Variants in CEACAM18 observed in about 807,000 individuals in gnomAD.
CEACAM18 encodes the protein cell adhesion molecule CEACAM18.
CEACAM18 carries 33 observed loss-of-function variants against 34.3 expected under a neutral mutation model. The observed-to-expected ratio is 0.96, with a 90% CI of 0.73 to 1.29. CEACAM18 has a LOEUF of 1.29. Among genes scored for constraint, CEACAM18 ranks in the 50% most tolerant of loss-of-function variants. The pLI is 0.00. For missense variants in CEACAM18, 474 were observed against 485.0 expected, an observed-to-expected ratio of 0.98 and a Z score of 0.21; for synonymous variants, 169 against 180.9, an observed-to-expected ratio of 0.93 and a Z score of 0.53.
At chr19:51,486,214 C>T (rs77616982) in intron 5 of CEACAM18, among the ~76,000 whole-genome samples, 11,465 of 151,838 alleles carry the variant, frequency 0.076, 506 homozygotes, top group African/African-American at 0.12. Flanking sequence ...GTGATGATGA[C>T]AATGGTGATG....
chr19:51,484,988 G>A, exon 5 of CEACAM18: 1 of 1,536,104 alleles, frequency 6.5e-7, no homozygotes, highest in South Asian at 1.2e-5. Flanking sequence ...TTCCTTCAGG[G>A]ATCTTACCTG....
chr19:51,479,178 C>T (rs1989864781), intron 1 of CEACAM18, among the ~76,000 whole-genome samples: 1 of 152,068 alleles, frequency 6.6e-6, no homozygotes, highest in Non-Finnish European at 1.5e-5. Flanking sequence ...GCACAACTGT[C>T]CTGCTTTACC....
chr19:51,489,460 A>G lies in CEACAM18; in HGVS notation c.1090-1127A>G, dbSNP rs531088252. Among the ~76,000 whole-genome samples the G allele has an allele frequency of 2.6e-5, 4 of 152,150 alleles. No individual in the cohort carries two copies. The East Asian group carries it at 7.8e-4, about 30-fold the overall frequency. On this transcript the variant is annotated intron_variant, in intron 5 of 5. Transcript: ENST00000396477. ...CTGGATACCACCCAAAAGGCACAGGAGTGGCATTTCCTAGAATAAATGGTG... is the reference window on the plus strand; with the variant it reads ...CTGGATACCACCCAAAAGGCACAGGGGTGGCATTTCCTAGAATAAATGGTG...
At chr19:51,487,738 ACACCATGG>A (rs1406622875) in intron 5 of CEACAM18, among the ~76,000 whole-genome samples, 1 of 151,744 alleles carries the variant, frequency 6.6e-6, no homozygotes, top group Non-Finnish European at 1.5e-5. Context: ...AGTCGAGATC[ACACCATGG>A]CACTCCAGCC....
exon 3 of CEACAM18, chr19:51,481,517 C>A (rs752528622): frequency 1.9e-6 from 3 of 1,613,880 alleles, no homozygotes; most frequent in Non-Finnish European, 2.5e-6. Context: ...ATGTGCCTAC[C>A]TCTAGTAGTG....
intron 5 of CEACAM18, among the ~76,000 whole-genome samples, chr19:51,486,535 T>A (rs1408249371): frequency 6.6e-6 from 1 of 151,066 alleles, no homozygotes; most frequent in African/African-American, 2.4e-5. Context: ...TGGAACTACT[T>A]GAGCCCCCTG....
intron 1 of CEACAM18, among the ~76,000 whole-genome samples, chr19:51,479,507 C>T (rs971502260): frequency 3.3e-5 from 5 of 152,200 alleles, no homozygotes; most frequent in African/African-American, 1.2e-4. Flanking sequence ...CAGTCCTGCC[C>T]TCCTGGAGCC....
intron 3 of CEACAM18, among the ~76,000 whole-genome samples, chr19:51,482,199 C>A (rs556427804): frequency 1.5e-3 from 223 of 152,054 alleles, no homozygotes; most frequent in African/African-American, 4.9e-3. Context: ...AGCTGCCTAC[C>A]GGGGCAAGTT....
At chr19:51,482,258 G>C (rs139822284) in intron 3 of CEACAM18, among the ~76,000 whole-genome samples, 2 of 151,994 alleles carry the variant, frequency 1.3e-5, no homozygotes, top group African/African-American at 4.8e-5. Context: ...CTTGGAAATC[G>C]AATACGCTGA....
chr19:51,478,719 A>G, intron 1 of CEACAM18, 25 bp downstream of exon 1: 2 of 1,411,270 alleles, frequency 1.4e-6, no homozygotes, highest in Admixed American at 2.7e-5. Flanking sequence ...ATGCTGGATG[A>G]GCTTCCCAGG....
At chr19:51,490,544 T>C (rs1990073609) in intron 5 of CEACAM18, 43 bp from the exon 6 acceptor site, 1 of 1,231,770 alleles carries the variant, frequency 8.1e-7, no homozygotes, top group Non-Finnish European at 1.0e-6. Flanking sequence ...CCATGTTTCT[T>C]AGGGACCTGA....
chr19:51,478,776 G>A (rs1276056856), intron 1 of CEACAM18, 82 bp downstream of exon 1: 8 of 1,022,476 alleles, frequency 7.8e-6, no homozygotes, highest in Non-Finnish European at 1.0e-5. Flanking sequence ...AGGGGGCTGG[G>A]ACCATCCCCA....
At chr19:51,479,447 TC>T (rs1989870415) in intron 1 of CEACAM18, among the ~76,000 whole-genome samples, 1 of 152,206 alleles carries the variant, frequency 6.6e-6, no homozygotes, top group Non-Finnish European at 1.5e-5. Context: ...TCCCCCTGTG[TC>T]CAGCCTGTGC....
At chr19:51,483,348 G>A in intron 4 of CEACAM18, 52 bp downstream of exon 4, 2 of 1,606,870 alleles carry the variant, frequency 1.2e-6, no homozygotes, top group Non-Finnish European at 1.7e-6. Context: ...CTGCCTCCAT[G>A]CCCTGCTAGG....
rs1410118579 is a variant in CEACAM18 at position 51,481,388 on chromosome 19, C to T, written c.401-5C>T. On this transcript the variant is annotated splice_region_variant and splice_polypyrimidine_tract_variant and intron_variant, in intron 2 of 5. Coordinates refer to ENST00000396477, the Ensembl canonical transcript of CEACAM18. ...TAATTTTTTTCTCTTTCCTGCTTCA[C>T]CCAGAGTTGGGAAGCAATCTGGGCA... 1 of 1,613,022 alleles carries T rather than the reference C, an allele frequency of 6.2e-7. No homozygotes were observed. Among genetic ancestry groups the T allele is most frequent in the South Asian group, 1.1e-5 (1 of 90,970 alleles).
chr19:51,484,387 A>G (rs1262637474), intron 4 of CEACAM18, among the ~76,000 whole-genome samples: 1 of 150,560 alleles, frequency 6.6e-6, no homozygotes, highest in Non-Finnish European at 1.5e-5. Context: ...ATCTCTGCTC[A>G]CTGCAACCTG....
At chr19:51,487,843 G>A (rs1321470046) in intron 5 of CEACAM18, among the ~76,000 whole-genome samples, 6 of 152,094 alleles carry the variant, frequency 3.9e-5, no homozygotes, top group Non-Finnish European at 8.8e-5. Flanking sequence ...AACCAATATG[G>A]TAGCCACTAG....
intron 3 of CEACAM18, 103 bp downstream of exon 3, chr19:51,481,768 T>C: frequency 8.2e-7 from 1 of 1,215,162 alleles, no homozygotes; most frequent in Non-Finnish European, 1.1e-6. Flanking sequence ...GGGGGCATCC[T>C]GGGCCAGCCT....
At chr19:51,482,565 G>T (rs1248505255) in intron 3 of CEACAM18, among the ~76,000 whole-genome samples, 3 of 152,214 alleles carry the variant, frequency 2.0e-5, no homozygotes, top group Non-Finnish European at 4.4e-5. Flanking sequence ...GCTCAGGGCA[G>T]TTGCTCCCAG....
Sources: allele counts gnomAD v4.1 joint callset (sites outside exome capture counted in the v4.1 genomes callset), GRCh38; gene constraint gnomAD v4.1.1; transcripts MANE v1.5; gene names NCBI Gene and HGNC (gene_info 2026-07-23, HGNC 2026-07-21).